Variants in GDA observed in about 807,000 individuals in gnomAD.
GDA encodes the protein cytoplasmic PSD-95 interactor.
GDA carries 18 observed loss-of-function variants against 59.6 expected under a neutral mutation model. That is an observed-to-expected ratio of 0.30 (90% CI 0.21 to 0.45). The LOEUF (loss-of-function observed/expected upper bound fraction) is 0.45. Among genes scored for constraint, GDA ranks in the 20% least tolerant of loss-of-function variants. GDA has a pLI of 1.00. For synonymous variants in GDA, 201 were observed against 201.1 expected (o/e 1.00, Z 0.00); for missense variants, 427 against 552.3 (o/e 0.77, Z 2.27).
intron 1 of GDA, among the ~76,000 whole-genome samples, chr9:72,154,631 A>G (rs1467564127): frequency 2.6e-5 from 4 of 152,240 alleles, no homozygotes; most frequent in Non-Finnish European, 1.5e-5. Flanking sequence ...TTCACTAGCA[A>G]GCTATCTTTA....
chr9:72,168,065 A>T (rs980672913), intron 1 of GDA, among the ~76,000 whole-genome samples: 1 of 152,120 alleles, frequency 6.6e-6, no homozygotes, highest in Non-Finnish European at 1.5e-5. Flanking sequence ...CATATATTTG[A>T]GGAATGGCTA....
In GDA at chr9:72,195,000, G is replaced by A. The variant is rs1265795959; in HGVS notation, c.124-500G>A. On this transcript the variant is annotated intron_variant, in intron 1 of 13. Transcript: ENST00000358399. ...TCCACACCACATCACCACGCCCTGG[G>A]GGGTAGGGAAGGGGTAGCATATGCA... 5.3e-5 allele frequency among the ~76,000 whole-genome samples: 8 copies of A among 152,244 alleles called. No homozygotes were observed. In the East Asian group the frequency reaches 5.8e-4, roughly 11 times the overall value.
At chr9:72,238,970 C>A (rs1039041516) in intron 10 of GDA, among the ~76,000 whole-genome samples, 2 of 152,140 alleles carry the variant, frequency 1.3e-5, no homozygotes, top group African/African-American at 4.8e-5. Flanking sequence ...AAGTTCCATG[C>A]GCACAGTTTA....
intron 7 of GDA, among the ~76,000 whole-genome samples, chr9:72,225,285 CAAAA>C (rs1227545449): frequency 1.3e-5 from 2 of 152,060 alleles, no homozygotes; most frequent in Non-Finnish European, 2.9e-5. Context: ...TATCTCAAAA[CAAAA>C]GAAAGGCCAG....
At chr9:72,139,754 C>A (rs1222286072) in intron 1 of GDA, among the ~76,000 whole-genome samples, 2 of 152,162 alleles carry the variant, frequency 1.3e-5, no homozygotes, top group Non-Finnish European at 2.9e-5. Context: ...ATATCCTACA[C>A]AATGCATAGC....
At chr9:72,191,040 G>A (rs191282847) in intron 1 of GDA, among the ~76,000 whole-genome samples, 2 of 152,186 alleles carry the variant, frequency 1.3e-5, no homozygotes, top group East Asian at 3.9e-4. Context: ...TTTCATTGTA[G>A]CAATATCATT....
intron 10 of GDA, among the ~76,000 whole-genome samples, chr9:72,232,200 G>A (rs1180148738): frequency 3.3e-5 from 5 of 152,120 alleles, no homozygotes; most frequent in African/African-American, 4.8e-5. Context: ...TGTTCTTGAT[G>A]CCTTTATCTT....
intron 1 of GDA, among the ~76,000 whole-genome samples, chr9:72,158,443 A>G (rs1479628992): frequency 6.6e-6 from 1 of 152,064 alleles, no homozygotes; most frequent in Non-Finnish European, 1.5e-5. Context: ...AATACAAAAA[A>G]TTAGCTGGGT....
In GDA at chr9:72,248,432, T is replaced by A; in HGVS notation, c.*90T>A. On this transcript the variant is annotated 3_prime_UTR_variant, in exon 14 of 14. Transcript: ENST00000358399. ...GTGGAGTTAGAAAGTCAAAAAATAG[T>A]ACCTTGTTCTTGGGATGACTATCCC... 6.3e-7 allele frequency: 1 copy of A among 1,587,404 alleles called. No individual in the cohort carries two copies. Among genetic ancestry groups the A allele is most frequent in the Non-Finnish European group, 8.6e-7 (1 of 1,167,468 alleles).
At chr9:72,195,462 AAT>A (rs1833053152) in intron 1 of GDA, 36 bp from the exon 2 acceptor site, 2 of 842,648 alleles carry the variant, frequency 2.4e-6, no homozygotes, top group South Asian at 3.2e-5. Flanking sequence ...GTGACTCACT[AAT>A]ATGTGTTTCT....
chr9:72,144,366 G>A (rs1038513227), upstream of GDA, among the ~76,000 whole-genome samples: 1 of 152,114 alleles, frequency 6.6e-6, no homozygotes, highest in African/African-American at 2.4e-5. Flanking sequence ...TTGACATGTA[G>A]TATATATAAT....
chr9:72,122,465 A>G (rs139465630), intron 1 of GDA, among the ~76,000 whole-genome samples: 2 of 151,524 alleles, frequency 1.3e-5, no homozygotes, highest in East Asian at 3.9e-4. Context: ...GCACATAGAA[A>G]GTTCTCTGTT....
intron 2 of GDA, among the ~76,000 whole-genome samples, chr9:72,198,845 G>GTATATATATATATATATATA (rs1833544642): frequency 4.8e-5 from 4 of 83,972 alleles, no homozygotes; most frequent in Non-Finnish European, 7.2e-5. Flanking sequence ...ATATATAGGG[G>GTATATATATATATATATATA]GATATATATA....
chr9:72,224,628 G>C (rs1837317268), intron 7 of GDA, among the ~76,000 whole-genome samples: 1 of 151,992 alleles, frequency 6.6e-6, no homozygotes, highest in African/African-American at 2.4e-5. Context: ...CTTTTTTGGA[G>C]AACTCATTCT....
At chr9:72,165,769 G>A (rs1438819884) in intron 1 of GDA, among the ~76,000 whole-genome samples, 1 of 149,134 alleles carries the variant, frequency 6.7e-6, no homozygotes, top group Non-Finnish European at 1.5e-5. Context: ...ATGATGGCAG[G>A]TGCCTGTAAT....
intron 3 of GDA, among the ~76,000 whole-genome samples, chr9:72,210,380 G>A (rs1326281819): frequency 1.3e-5 from 2 of 152,134 alleles, no homozygotes; most frequent in African/African-American, 4.8e-5. Context: ...ACTCCCAGAT[G>A]CAATAAAATT....
intron 3 of GDA, among the ~76,000 whole-genome samples, chr9:72,202,951 T>G (rs1461789030): frequency 6.6e-6 from 1 of 152,232 alleles, no homozygotes; most frequent in African/African-American, 2.4e-5. Flanking sequence ...TGAATCCAAG[T>G]TTCCAAAACC....
At chr9:72,184,350 G>A (rs1831614188) in intron 1 of GDA, among the ~76,000 whole-genome samples, 1 of 152,100 alleles carries the variant, frequency 6.6e-6, no homozygotes, top group African/African-American at 2.4e-5. Flanking sequence ...AAATTCTTCT[G>A]CTCTGCCTAT....
Position 72,248,416 on chromosome 9 carries a change from G to A in GDA, c.*74G>A. On this transcript the variant is annotated 3_prime_UTR_variant, in exon 14 of 14. Transcript: ENST00000358399. ...TCTCCCTTGTGCCCAGGTGGAGTTA[G>A]AAAGTCAAAAAATAGTACCTTGTTC... is the stretch of plus-strand genomic sequence containing the variant. 6.2e-7 allele frequency: 1 copy of A among 1,601,218 alleles called. No homozygotes were observed. The highest frequency in any genetic ancestry group is 8.5e-7 in the Non-Finnish European group (1 of 1,175,320).
Sources: allele counts gnomAD v4.1 joint callset (sites outside exome capture counted in the v4.1 genomes callset), GRCh38; gene constraint gnomAD v4.1.1; transcripts MANE v1.5; gene names NCBI Gene and HGNC (gene_info 2026-07-23, HGNC 2026-07-21).